Variants in ZNF611 observed in about 807,000 individuals in gnomAD.
ZNF611 encodes zinc finger protein 611.
ZNF611 carries 6 observed loss-of-function variants against 8.9 expected under a neutral mutation model. The observed-to-expected ratio is 0.68, with a 90% CI of 0.37 to 1.34. The LOEUF (loss-of-function observed/expected upper bound fraction) is 1.34. Among genes scored for constraint, ZNF611 ranks in the 40% most tolerant of loss-of-function variants. The pLI is 0.02. For synonymous variants in ZNF611, 262 were observed against 279.7 expected (o/e 0.94, Z 0.63); for missense variants, 874 against 841.3 (o/e 1.04, Z -0.48).
At chr19:52,726,418 TTTTA>T (rs1476296631) in intron 3 of ZNF611, among the ~76,000 whole-genome samples, 4 of 152,062 alleles carry the variant, frequency 2.6e-5, no homozygotes, top group Non-Finnish European at 5.9e-5. Flanking sequence ...TTTCTTTCCT[TTTTA>T]TTTATTTTTA....
At position 52,706,064 on chromosome 19, in the gene ZNF611, G is replaced by T. The variant is rs140342144; in HGVS notation, c.991C>A (p.Leu331Ile). 402 of 1,613,946 alleles carry T rather than the reference G, an allele frequency of 2.5e-4. No homozygotes were observed. In the African/African-American group the frequency reaches 4.8e-3, roughly 19 times the overall value. ...CCAGTATCAATTGCCTTATCAATTA[G>T]AAGGGCTGAATTTTGACCAAAGATC... Reference protein sequence around the residue: ...GKIFGQNSALLIDKAIDTGEN... With the variant: ...GKIFGQNSALIIDKAIDTGEN... Residue 331 changes from leucine (L) to isoleucine (I), a missense_variant, in exon 6 of 6, where the codon CTA (leucine) becomes ATA (isoleucine). By Grantham distance (5) the Leu-to-Ile change is conservative (BLOSUM62 2). Coordinates refer to ENST00000652185, the MANE Select transcript of ZNF611 (RefSeq NM_001161499.2).
chr19:52,728,531 T>C (rs986324985), intron 3 of ZNF611, among the ~76,000 whole-genome samples, 199 bp downstream of exon 3: 2 of 151,444 alleles, frequency 1.3e-5, no homozygotes, highest in Non-Finnish European at 2.9e-5. Flanking sequence ...AGAGTGAAAC[T>C]CCATGTCCGA....
At chr19:52,712,617 G>T (rs2062288419) in intron 5 of ZNF611, among the ~76,000 whole-genome samples, 1 of 149,612 alleles carries the variant, frequency 6.7e-6, no homozygotes, top group Non-Finnish European at 1.5e-5. Flanking sequence ...CAGCATGGGT[G>T]ACAGAGCAAT....
At chr19:52,709,428 A>G (rs1176438664) in intron 5 of ZNF611, among the ~76,000 whole-genome samples, 1 of 152,092 alleles carries the variant, frequency 6.6e-6, no homozygotes, top group African/African-American at 2.4e-5. Flanking sequence ...ATGCACCACC[A>G]TGCCCAGATA....
At chr19:52,720,540 A>G (rs1221947707) in intron 3 of ZNF611, among the ~76,000 whole-genome samples, 3 of 147,820 alleles carry the variant, frequency 2.0e-5, no homozygotes, top group Non-Finnish European at 4.5e-5. Flanking sequence ...GGCGCTCCTC[A>G]CCTCCCAGAT....
chr19:52,732,817 G>T (rs1414034830), intron 1 of ZNF611, among the ~76,000 whole-genome samples: 20 of 151,778 alleles, frequency 1.3e-4, no homozygotes, highest in Non-Finnish European at 1.5e-5. Flanking sequence ...AGCCGGGCTT[G>T]GTGGCTCATG....
In ZNF611 at chr19:52,704,160, T is replaced by C; in HGVS notation, c.*777A>G. On this transcript the variant is annotated 3_prime_UTR_variant, in exon 6 of 6. Transcript: ENST00000652185. The stretch of plus-strand genomic sequence containing the variant: ...CATCCTCTTAACATAAACACTTGAA[T>C]GTCAATAAAGGCTTGAACTCAATGT... The C allele has an allele frequency of 2.7e-6, 1 of 369,578 alleles. No individual in the cohort carries two copies. Among genetic ancestry groups the C allele is most frequent in the Non-Finnish European group, 5.5e-6 (1 of 182,852 alleles). 22.9% of individuals were successfully genotyped at this position (369,578 alleles called of 1,614,324 possible).
intron 5 of ZNF611, chr19:52,711,194 T>C (rs1323164252): frequency 6.6e-6 from 1 of 151,344 alleles, no homozygotes; most frequent in East Asian, 2.0e-4. Context: ...TTGCCAGGCG[T>C]GGTGGCACTT....
chr19:52,720,002 T>C (rs1309912420), intron 3 of ZNF611, among the ~76,000 whole-genome samples: 1 of 152,138 alleles, frequency 6.6e-6, no homozygotes, highest in Non-Finnish European at 1.5e-5. Context: ...AGCATCTGTT[T>C]AACAAAGCAC....
intron 3 of ZNF611, among the ~76,000 whole-genome samples, chr19:52,726,359 C>T (rs2062393184): frequency 6.6e-6 from 1 of 152,190 alleles, no homozygotes; most frequent in African/African-American, 2.4e-5. Flanking sequence ...AAAGTAACAC[C>T]CCCTCCCGCA....
At chr19:52,727,907 CTTT>C (rs11319896) in intron 3 of ZNF611, among the ~76,000 whole-genome samples, 8 of 105,870 alleles carry the variant, frequency 7.6e-5, no homozygotes, top group Admixed American at 2.0e-4. Context: ...TGTTGTGTGC[CTTT>C]TTTTTTTTTT....
At chr19:52,717,238 G>C (rs2062323521) in intron 3 of ZNF611, among the ~76,000 whole-genome samples, 1 of 152,060 alleles carries the variant, frequency 6.6e-6, no homozygotes, top group Non-Finnish European at 1.5e-5. Context: ...GACTATCTTG[G>C]GCAAAATAAA....
intron 3 of ZNF611, among the ~76,000 whole-genome samples, chr19:52,716,843 G>T (rs1379867603): frequency 6.6e-6 from 1 of 152,084 alleles, no homozygotes. Flanking sequence ...GACCACTTGG[G>T]GTGAAGAGGT....
intron 3 of ZNF611, among the ~76,000 whole-genome samples, chr19:52,727,143 C>T (rs1228997846): frequency 6.6e-6 from 1 of 152,096 alleles, no homozygotes; most frequent in Non-Finnish European, 1.5e-5. Context: ...TGGGATTACA[C>T]TCGTGAGTCA....
chr19:52,712,140 G>A lies in ZNF611; in HGVS notation c.190+1875C>T, dbSNP rs551317971. Among the ~76,000 whole-genome samples the A allele has an allele frequency of 2.0e-3, 302 of 152,216 alleles. 1 individual carries two copies. Among genetic ancestry groups the A allele is most frequent in the African/African-American group, 6.1e-3 (253 of 41,542 alleles). On this transcript the variant is annotated intron_variant, in intron 5 of 5. Coordinates refer to ENST00000652185, the MANE Select transcript of ZNF611 (RefSeq NM_001161499.2). ...AAAGCAGTTTTACATCTCTTAAATT[G>A]AATGCCTCTGACTTCTAGTTTCAGG...
chr19:52,717,576 TA>T (rs2062326293), intron 3 of ZNF611: 1 of 615,900 alleles, frequency 1.6e-6, no homozygotes, highest in Non-Finnish European at 2.0e-6. Context: ...AATAGGTGTT[TA>T]AAACACTGAA....
chr19:52,727,932 C>T (rs1337044658), intron 3 of ZNF611, among the ~76,000 whole-genome samples: 20 of 124,442 alleles, frequency 1.6e-4, no homozygotes, highest in Non-Finnish European at 3.1e-4. Flanking sequence ...TTTTTTGAGA[C>T]GGAGTCTCGC....
intron 3 of ZNF611, among the ~76,000 whole-genome samples, chr19:52,719,695 C>T (rs1044074105): frequency 1.3e-5 from 2 of 152,316 alleles, no homozygotes; most frequent in African/African-American, 4.8e-5. Flanking sequence ...CCATCTGTTT[C>T]TTTTCTGCAT....
rs2062358809 is a variant in ZNF611, at chr19:52,721,422, C to T, written c.-19-5509G>A. On this transcript the variant is annotated intron_variant, in intron 3 of 5. Transcript: ENST00000652185. ...CACTGAGTGAGCAAGACTCCGTCTG[C>T]AATCCCGGCACCTCGGGAGGCCAAG... Among the ~76,000 whole-genome samples, 3 of 152,276 alleles carry T rather than the reference C, an allele frequency of 2.0e-5. No homozygotes were observed. The South Asian group carries it at 6.2e-4, about 32-fold the overall frequency.
Sources: gnomAD v4.1 joint callset for allele counts (sites outside exome capture counted in the v4.1 genomes callset) on GRCh38, gnomAD v4.1.1 for gene constraint, MANE v1.5 for transcripts, NCBI Gene and HGNC (gene_info 2026-07-23, HGNC 2026-07-21) for gene names.